Variants in WDR20 observed in about 807,000 individuals in gnomAD.
The protein encoded by WDR20 is WD repeat-containing protein 20.
Under a neutral mutation model 38.7 loss-of-function variants are expected in WDR20, and 3 were observed. The ratio of observed to expected loss-of-function variants is 0.08; its 90% CI spans 0.04 to 0.20. The LOEUF (loss-of-function observed/expected upper bound fraction) is 0.20. Among genes scored for constraint, WDR20 ranks in the 10% least tolerant of loss-of-function variants. The pLI, the probability that WDR20 is intolerant of heterozygous loss-of-function variation, is 1.00. For missense variants in WDR20, 559 were observed against 727.7 expected (o/e 0.77, Z 2.67); for synonymous variants, 298 against 285.6 (o/e 1.04, Z -0.44).
upstream of WDR20, chr14:102,139,532 C>G: frequency 2.1e-6 from 2 of 973,736 alleles, no homozygotes; most frequent in Non-Finnish European, 3.0e-6. Context: ...AGGAGGCACC[C>G]TCAAGTTCAC....
Position 102,194,588 on chromosome 14 carries a change from G to A in WDR20, c.250-350G>A, listed in dbSNP as rs79568329. Among the ~76,000 whole-genome samples, 994 of 152,272 alleles carry A rather than the reference G, an allele frequency of 6.5e-3. 10 individuals are homozygous for A. Among genetic ancestry groups the A allele is most frequent in the African/African-American group, 0.023 (949 of 41,556 alleles). On this transcript the variant is annotated intron_variant, in intron 1 of 2. Transcript: ENST00000342702. ...ATTTGAAAGCCGAGCTTTTTATGTGGTTACTCTGTTAGACACTGCTTGAAA... is the reference window on the plus strand; with the variant it reads ...ATTTGAAAGCCGAGCTTTTTATGTGATTACTCTGTTAGACACTGCTTGAAA...
chr14:102,188,993 C>T (rs1212660013), intron 1 of WDR20, among the ~76,000 whole-genome samples: 2 of 151,694 alleles, frequency 1.3e-5, no homozygotes, highest in African/African-American at 2.4e-5. Context: ...AGGCAGATCA[C>T]TTGATGTCAG....
chr14:102,166,807 A>C (rs1198234587), intron 1 of WDR20, among the ~76,000 whole-genome samples: 1 of 151,968 alleles, frequency 6.6e-6, no homozygotes, highest in African/African-American at 2.4e-5. Flanking sequence ...CCCTCCACCT[A>C]CTTTCACTCT....
rs200078288 is a variant in WDR20, at chr14:102,209,523, C to T, written c.1353C>T (p.Asp451=). 2.1e-4 allele frequency: 335 copies of T among 1,614,040 alleles called. 2 individuals carry two copies. The highest frequency in any genetic ancestry group is 2.8e-4 in the Admixed American group (17 of 59,996). Residue 451 remains aspartate (D), a synonymous_variant, in exon 3 of 3, where the codon GAC becomes GAT. Coordinates refer to ENST00000342702, the MANE Select transcript of WDR20 (RefSeq NM_144574.4). The surrounding 1 kb of genome is among the most constrained non-coding windows in gnomAD (Gnocchi z 6.0). ...CTGGCAGCAAAAGCAGTGTCATGGA[C>T]GGGGCCATTGCTTCTGGGGTCAGCA... is the stretch of plus-strand genomic sequence containing the variant. ...SNAGSKSSVM[D]GAIASGVSKF... is the part of the protein sequence containing the mutation.
Position 102,221,691 on chromosome 14 carries a change from C to G in WDR20, c.1693-1139C>G, listed in dbSNP as rs1056566930. ...ACGGGATGAAATGACTTGAGCGGGA[C>G]AGCTTGCTTCCAGGCTTCCGGCAGC... On this transcript the variant is annotated intron_variant, in intron 3 of 3. Transcript: ENST00000335263. This position sits in a 1 kb window ranked among gnomAD's most constrained non-coding sequence, Gnocchi z 4.8. Among the ~76,000 whole-genome samples the G allele has an allele frequency of 2.0e-5, 3 of 152,190 alleles. No homozygotes were observed. The highest frequency in any genetic ancestry group is 4.4e-5 in the Non-Finnish European group (3 of 68,026).
At chr14:102,176,473 C>CGGA (rs1355621991) in intron 1 of WDR20, among the ~76,000 whole-genome samples, 1 of 152,106 alleles carries the variant, frequency 6.6e-6, no homozygotes, top group Non-Finnish European at 1.5e-5. Context: ...CCAAGGCGGG[C>CGGA]GGATCATGAG....
chr14:102,200,465 T>TGGGGTGTGTGTG (rs1555400497), intron 2 of WDR20, among the ~76,000 whole-genome samples: 1 of 98,626 alleles, frequency 1.0e-5, no homozygotes, highest in African/African-American at 5.3e-5. Flanking sequence ...AAATTTTTTT[T>TGGGGTGTGTGTG]TTTGTGTGTG....
intron 2 of WDR20, among the ~76,000 whole-genome samples, chr14:102,200,462 TTTTTTTG>T (rs2060134531): frequency 1.0e-5 from 1 of 97,866 alleles, no homozygotes; most frequent in Non-Finnish European, 2.2e-5. Context: ...TTTAAATTTT[TTTTTTTG>T]TGTGTGTGTG....
intron 1 of WDR20, among the ~76,000 whole-genome samples, chr14:102,160,205 A>G (rs568276677): frequency 3.3e-5 from 5 of 152,296 alleles, no homozygotes; most frequent in South Asian, 2.1e-4. Context: ...GAGTTGTACA[A>G]TTATCACTGT....
chr14:102,188,270 CAGGCTTCCCAA>C (rs2065367685), intron 1 of WDR20, among the ~76,000 whole-genome samples: 1 of 152,204 alleles, frequency 6.6e-6, no homozygotes. Flanking sequence ...TGTGATGCCA[CAGGCTTCCCAA>C]AGCCCCCTAC....
At chr14:102,195,626 C>A (rs529282537) in intron 2 of WDR20, among the ~76,000 whole-genome samples, 1 of 152,170 alleles carries the variant, frequency 6.6e-6, no homozygotes, top group African/African-American at 2.4e-5. Context: ...GAAATCCTGG[C>A]GCTTAAAGTT....
chr14:102,147,645 A>G (rs2054119152), intron 1 of WDR20, among the ~76,000 whole-genome samples: 1 of 152,078 alleles, frequency 6.6e-6, no homozygotes, highest in African/African-American at 2.4e-5. Context: ...GGCAAACTTG[A>G]GCTTGAGCAA....
rs1161944711 is a variant in WDR20, at chr14:102,220,255, G to C, written c.1693-2575G>C. Among the ~76,000 whole-genome samples the C allele has an allele frequency of 6.6e-6, 1 of 152,176 alleles. No homozygotes were observed. The highest frequency in any genetic ancestry group is 1.5e-5 in the Non-Finnish European group (1 of 68,028). On this transcript the variant is annotated intron_variant, in intron 3 of 3. Coordinates refer to the WDR20 transcript ENST00000335263. The surrounding 1 kb of genome is among the most constrained non-coding windows in gnomAD (Gnocchi z 4.2). Reference sequence around the variant, plus strand: ...GAGAGGAAGTCTAAGGAAGGGTGCTGTCCCTCATGGCCGTCAGAAGCCACC... The same window carrying C: ...GAGAGGAAGTCTAAGGAAGGGTGCTCTCCCTCATGGCCGTCAGAAGCCACC...
chr14:102,184,879 A>T (rs147946381), intron 1 of WDR20, among the ~76,000 whole-genome samples: 6 of 152,164 alleles, frequency 3.9e-5, no homozygotes, highest in African/African-American at 1.4e-4. Context: ...GCCGGGGCTC[A>T]TTCCAGGTCA....
downstream of WDR20, among the ~76,000 whole-genome samples, chr14:102,218,635 G>A (rs766543601): frequency 8.6e-5 from 13 of 152,014 alleles, no homozygotes; most frequent in Non-Finnish European, 1.9e-4. Context: ...CAAACCAAGA[G>A]CTGGAGTATT....
upstream of WDR20, chr14:102,139,895 T>C (rs1432806206): frequency 6.2e-7 from 1 of 1,606,458 alleles, no homozygotes; most frequent in Non-Finnish European, 8.5e-7. Context: ...ATCCGGGCAC[T>C]TAGGGCAGGA....
downstream of WDR20, chr14:102,213,011 C>G: frequency 1.0e-6 from 1 of 990,994 alleles, no homozygotes; most frequent in Non-Finnish European, 1.2e-6. Context: ...GCTGGAGAAT[C>G]CCGCTCCCAC....
chr14:102,207,422 A>G lies in WDR20; in HGVS notation c.433-1181A>G, dbSNP rs1050515971. The stretch of plus-strand genomic sequence containing the variant: ...CACATGGCCTCAAAGCCACCCTGGC[A>G]GAAGTCGGCATGTTTCTTGGCAGAT... On this transcript the variant is annotated intron_variant, in intron 2 of 2. Coordinates refer to ENST00000342702, the MANE Select transcript of WDR20 (RefSeq NM_144574.4). This position sits in a 1 kb window ranked among gnomAD's most constrained non-coding sequence, Gnocchi z 5.0. Among the ~76,000 whole-genome samples the G allele has an allele frequency of 2.0e-5, 3 of 152,262 alleles. No homozygotes were observed. The highest frequency in any genetic ancestry group is 4.8e-5 in the African/African-American group (2 of 41,470).
chr14:102,148,680 T>A (rs1190162380), intron 1 of WDR20, among the ~76,000 whole-genome samples: 4 of 72,316 alleles, frequency 5.5e-5, no homozygotes, highest in Non-Finnish European at 1.3e-4. Context: ...TGTGTGTGTG[T>A]GTGTGTGTGT....
Sources: gnomAD v4.1 joint callset for allele counts (sites outside exome capture counted in the v4.1 genomes callset) on GRCh38, gnomAD v4.1.1 for gene constraint, Gnocchi (gnomAD v3.1) non-coding constraint, MANE v1.5 for transcripts, NCBI Gene and HGNC (gene_info 2026-07-23, HGNC 2026-07-21) for gene names.